The following DAB2IP variants were observed in gnomAD, a reference collection of about 807,000 sequenced individuals.
DAB2IP encodes DAB2 interacting protein, also known as disabled homolog 2-interacting protein.
Under a neutral mutation model 107.2 loss-of-function variants are expected in DAB2IP, and 28 were observed. That is an observed-to-expected ratio of 0.26 (90% CI 0.19 to 0.36). DAB2IP has a LOEUF of 0.36. Ranked by LOEUF, DAB2IP falls within the 10% of genes least tolerant of loss-of-function variation. DAB2IP has a pLI of 1.00. For synonymous variants in DAB2IP, 755 were observed against 706.4 expected (o/e 1.07, Z -1.09); for missense variants, 1,400 against 1,644.7 (o/e 0.85, Z 2.57).
chr9:121,616,257 C>A (rs1397131825), intron 1 of DAB2IP, among the ~76,000 whole-genome samples: 1 of 152,196 alleles, frequency 6.6e-6, no homozygotes, highest in Non-Finnish European at 1.5e-5. Context: ...TGAGGCACAG[C>A]CTTCTCCTGC....
intron 3 of DAB2IP, among the ~76,000 whole-genome samples, chr9:121,747,928 C>T (rs1832831137): frequency 6.6e-6 from 1 of 150,886 alleles, no homozygotes; most frequent in African/African-American, 2.4e-5. Flanking sequence ...TTTTTGAAAA[C>T]TCCATTAGGC....
intron 1 of DAB2IP, among the ~76,000 whole-genome samples, chr9:121,583,897 C>T (rs1208354161): frequency 6.6e-6 from 1 of 152,084 alleles, no homozygotes; most frequent in Non-Finnish European, 1.5e-5. Context: ...CAAACATTGA[C>T]GTCAGGCGTG....
At chr9:121,708,854 C>T (rs533691962) in intron 3 of DAB2IP, among the ~76,000 whole-genome samples, 5 of 152,168 alleles carry the variant, frequency 3.3e-5, no homozygotes, top group South Asian at 2.1e-4. Flanking sequence ...TGGAAGGTCT[C>T]GGCTCAGGGA....
At chr9:121,693,193 G>C (rs1178027185) in intron 2 of DAB2IP, among the ~76,000 whole-genome samples, 1 of 152,176 alleles carries the variant, frequency 6.6e-6, no homozygotes, top group Non-Finnish European at 1.5e-5. Context: ...GCTCCGCCTG[G>C]TGACGCTGGG....
chr9:121,707,497 A>G (rs1483032057), intron 3 of DAB2IP, among the ~76,000 whole-genome samples: 1 of 152,178 alleles, frequency 6.6e-6, no homozygotes, highest in Non-Finnish European at 1.5e-5. Context: ...CTACTGTCCC[A>G]GTTAACCATC....
Position 121,662,141 on chromosome 9 carries a change from A to C in DAB2IP, c.124+10242A>C, listed in dbSNP as rs1833238288. On this transcript the variant is annotated intron_variant, in intron 1 of 15. Transcript: ENST00000408936. The surrounding 1 kb of genome is among the most constrained non-coding windows in gnomAD (Gnocchi z 4.6). ...CCAGCCCTTCCCCTTCTTTTCTTTA[A>C]GTTTTTGAAAATTCTAAAATATTCT... 6.6e-6 allele frequency among the ~76,000 whole-genome samples: 1 copy of C among 152,182 alleles called. No individual in the cohort carries two copies. The highest frequency in any genetic ancestry group is 2.4e-5 in the African/African-American group (1 of 41,456).
intron 1 of DAB2IP, among the ~76,000 whole-genome samples, chr9:121,596,687 A>G (rs1830537680): frequency 6.6e-6 from 1 of 150,930 alleles, no homozygotes; most frequent in African/African-American, 2.5e-5. Flanking sequence ...TCTTCCTCTG[A>G]TAGGGATGGA....
intron 3 of DAB2IP, among the ~76,000 whole-genome samples, chr9:121,724,203 G>A (rs934871511): frequency 2.0e-5 from 3 of 152,004 alleles, no homozygotes; most frequent in Non-Finnish European, 2.9e-5. Context: ...CTCTGCCCAG[G>A]ACTCACTTGT....
At chr9:121,608,926 TTTTGTTTGTTTG>T (rs532891232) in intron 1 of DAB2IP, among the ~76,000 whole-genome samples, 3 of 151,902 alleles carry the variant, frequency 2.0e-5, no homozygotes, top group Admixed American at 6.6e-5. Context: ...TTTTTCTAGT[TTTTGTTTGTTTG>T]TTTGTTTGTT....
At position 121,770,796 on chromosome 9, in the gene DAB2IP, G is replaced by C. The variant is rs1834664774; in HGVS notation, c.2078+72G>C. 4 of 1,559,556 alleles carry C rather than the reference G, an allele frequency of 2.6e-6. No homozygotes were observed. The South Asian group carries it at 3.6e-5, about 14-fold the overall frequency. On this transcript the variant is annotated intron_variant, in intron 11 of 15. Coordinates refer to ENST00000408936, the Ensembl canonical transcript of DAB2IP. ...TAGGCACAGCCCATCTGTAATCTCA[G>C]ATGGGGAAAGAGGATGCCTACATAG...
chr9:121,620,801 C>T (rs927391589), intron 1 of DAB2IP, among the ~76,000 whole-genome samples: 3 of 152,198 alleles, frequency 2.0e-5, no homozygotes, highest in Non-Finnish European at 4.4e-5. Flanking sequence ...CCAGCTCTCA[C>T]CTGGGAGCCC....
At chr9:121,743,959 G>A (rs1446467844) in intron 3 of DAB2IP, among the ~76,000 whole-genome samples, 4 of 152,224 alleles carry the variant, frequency 2.6e-5, no homozygotes, top group Non-Finnish European at 4.4e-5. Flanking sequence ...ACCAAGAAGA[G>A]CACTGTTGCT....
upstream of DAB2IP, among the ~76,000 whole-genome samples, chr9:121,650,658 G>C (rs1328765043): frequency 6.6e-6 from 1 of 152,208 alleles, no homozygotes; most frequent in East Asian, 1.9e-4. Context: ...TCAGGCAGGT[G>C]TCTTAATAAT....
intron 1 of DAB2IP, among the ~76,000 whole-genome samples, chr9:121,593,347 A>C (rs1380200241): frequency 6.6e-6 from 1 of 152,110 alleles, no homozygotes; most frequent in East Asian, 1.9e-4. Context: ...GACTCACTAT[A>C]GCCTTGACCT....
At chr9:121,641,972 C>T (rs1342162593) in intron 1 of DAB2IP, among the ~76,000 whole-genome samples, 3 of 80,516 alleles carry the variant, frequency 3.7e-5, no homozygotes, top group Admixed American at 2.9e-4. Context: ...CTCTCTCTCT[C>T]TTTCTTTCTT....
At chr9:121,746,076 A>G (rs967764878) in intron 3 of DAB2IP, among the ~76,000 whole-genome samples, 4 of 152,154 alleles carry the variant, frequency 2.6e-5, no homozygotes, top group Non-Finnish European at 5.9e-5. Context: ...TTGAGAGCTC[A>G]GCTGTGGGGG....
At chr9:121,678,267 TACTC>T (rs547503172) in intron 1 of DAB2IP, among the ~76,000 whole-genome samples, 2 of 152,252 alleles carry the variant, frequency 1.3e-5, no homozygotes, top group Middle Eastern at 3.2e-3. Flanking sequence ...CCTTTTGGGT[TACTC>T]AGCGTAATGT....
chr9:121,663,118 G>A (rs943053421), intron 1 of DAB2IP, among the ~76,000 whole-genome samples: 9 of 152,182 alleles, frequency 5.9e-5, no homozygotes, highest in East Asian at 3.9e-4. Context: ...GAAGTGAGGC[G>A]TGTCTGGAGA....
chr9:121,754,818 G>GCCTCT (rs1833363888), intron 3 of DAB2IP, among the ~76,000 whole-genome samples: 2 of 152,066 alleles, frequency 1.3e-5, no homozygotes, highest in Non-Finnish European at 1.5e-5. Flanking sequence ...AGCATGCCTC[G>GCCTCT]CCTCTCCTCT....
Sources: gnomAD v4.1 joint callset for allele counts (sites outside exome capture counted in the v4.1 genomes callset) on GRCh38, gnomAD v4.1.1 for gene constraint, Gnocchi (gnomAD v3.1) non-coding constraint, MANE v1.5 for transcripts, NCBI Gene and HGNC (gene_info 2026-07-23, HGNC 2026-07-21) for gene names.